The following CHAF1B variants were observed in gnomAD, a reference collection of about 807,000 sequenced individuals.
CHAF1B encodes CAF-1 subunit B.
A neutral mutation model predicts 60.7 loss-of-function variants in CHAF1B; 10 were observed. That is an observed-to-expected ratio of 0.16 (90% CI 0.10 to 0.28). The LOEUF is 0.28. Ranked by LOEUF, CHAF1B falls within the 10% of genes least tolerant of loss-of-function variation. The pLI, the probability that CHAF1B is intolerant of heterozygous loss-of-function variation, is 1.00. For synonymous variants in CHAF1B, 261 were observed against 266.1 expected, an observed-to-expected ratio of 0.98 and a Z score of 0.19; for missense variants, 558 against 708.4, an observed-to-expected ratio of 0.79 and a Z score of 2.41.
At chr21:36,388,255 T>C (rs2086051881) in intron 3 of CHAF1B, among the ~76,000 whole-genome samples, 1 of 152,150 alleles carries the variant, frequency 6.6e-6, no homozygotes, top group African/African-American at 2.4e-5. Flanking sequence ...GAACACCTGT[T>C]TGAAAACAGC....
rs2146381494 is a variant in CHAF1B, at chr21:36,418,379, T to A, written c.*2013T>A. 6.6e-6 allele frequency: 1 copy of A among 152,350 alleles called. No homozygotes were observed. The highest frequency in any genetic ancestry group is 2.1e-4 in the South Asian group (1 of 4,828). The allele number at this position is 152,350 out of a possible 1,614,324, so 9.4% of individuals were successfully genotyped here. A position where few individuals can be genotyped will look rare whatever the true frequency, so the allele number is the denominator to read the frequency against. On this transcript the variant is annotated 3_prime_UTR_variant, in exon 14 of 14. Transcript: ENST00000314103. Reference sequence around the variant, plus strand: ...ATCCTCCTTTGCTGGGGCCGCGGACTGAAGGACAGTATGCAGGAGGTGCCA... The same window carrying A: ...ATCCTCCTTTGCTGGGGCCGCGGACAGAAGGACAGTATGCAGGAGGTGCCA...
At chr21:36,393,393 C>T (rs934398574) in intron 4 of CHAF1B, among the ~76,000 whole-genome samples, 2 of 148,802 alleles carry the variant, frequency 1.3e-5, no homozygotes, top group Admixed American at 6.7e-5. Flanking sequence ...TTCTTAGTTT[C>T]GGCTATACAT....
chr21:36,403,772 G>A (rs1385149630), intron 8 of CHAF1B, among the ~76,000 whole-genome samples: 4 of 152,224 alleles, frequency 2.6e-5, no homozygotes, highest in Non-Finnish European at 4.4e-5. Context: ...TGGCCACAGT[G>A]TTCTCAGAGG....
At position 36,413,104 on chromosome 21, in the gene CHAF1B, A is replaced by G. The variant is rs777396815; in HGVS notation, c.1282A>G (p.Ser428Gly). Residue 428 changes from serine to glycine, a missense_variant, in exon 12 of 14, where the codon AGC becomes GGC. Coordinates refer to ENST00000314103, the MANE Select transcript of CHAF1B (RefSeq NM_005441.3). The stretch of plus-strand genomic sequence containing the variant: ...CCCTGCCAGCAGAACCCAAGACCCC[A>G]GCAGCCCCGGCACGACTCCCCCTCA... ...GTPASRTQDP[S>G]SPGTTPPQAR... is the part of the protein sequence containing the mutation. 2.5e-6 allele frequency: 4 copies of G among 1,614,062 alleles called. No homozygotes were observed. The South Asian group carries it at 4.4e-5, about 18-fold the overall frequency.
chr21:36,414,902 C>G (rs2086305819), intron 12 of CHAF1B, among the ~76,000 whole-genome samples: 1 of 152,198 alleles, frequency 6.6e-6, no homozygotes, highest in African/African-American at 2.4e-5. Context: ...TGCGAACCAT[C>G]TTGCCCGGCC....
chr21:36,403,447 A>G (rs2086208716), intron 8 of CHAF1B, among the ~76,000 whole-genome samples: 1 of 125,268 alleles, frequency 8.0e-6, no homozygotes, highest in African/African-American at 3.2e-5. Flanking sequence ...ACAGAGTGAT[A>G]TCTTATCTAA....
chr21:36,407,597 T>C (rs1306336012), intron 8 of CHAF1B, among the ~76,000 whole-genome samples: 1 of 152,198 alleles, frequency 6.6e-6, no homozygotes, highest in African/African-American at 2.4e-5. Flanking sequence ...TTGTAATGAT[T>C]ATGTGAGCAT....
chr21:36,411,191 G>A (rs557572707), intron 10 of CHAF1B, among the ~76,000 whole-genome samples: 69 of 150,320 alleles, frequency 4.6e-4, no homozygotes, highest in Admixed American at 8.0e-4. Flanking sequence ...TGAGCTCACT[G>A]CAACCTCCGC....
rs1432354012 is a variant in CHAF1B, at chr21:36,417,622, A to G, written c.*1256A>G. 6.6e-6 allele frequency: 1 copy of G among 151,882 alleles called. No homozygotes were observed. Among genetic ancestry groups the G allele is most frequent in the Middle Eastern group, 3.4e-3 (1 of 294 alleles). 9.4% of individuals were successfully genotyped at this position (151,882 alleles called of 1,614,324 possible). A position where few individuals can be genotyped will look rare whatever the true frequency, so the allele number is the denominator to read the frequency against. ...TGGGATTACAGGTGTGAGCTACTGCACCTGGCCTAATTATTATATTTTTAG... is the reference window on the plus strand; with the variant it reads ...TGGGATTACAGGTGTGAGCTACTGCGCCTGGCCTAATTATTATATTTTTAG... On this transcript the variant is annotated 3_prime_UTR_variant, in exon 14 of 14. Transcript: ENST00000314103.
rs1419770367 is a variant in CHAF1B, at chr21:36,418,055, C to T, written c.*1689C>T. On this transcript the variant is annotated 3_prime_UTR_variant, in exon 14 of 14. Transcript: ENST00000314103. The stretch of plus-strand genomic sequence containing the variant: ...TCCGAGACAGAGTCTCGCTCTGTCA[C>T]CCAGGCTGGAGTGCAGTGGCGCAAT... 1.3e-5 allele frequency: 2 copies of T among 151,718 alleles called. No homozygotes were observed. Among genetic ancestry groups the T allele is most frequent in the African/African-American group, 4.8e-5 (2 of 41,278 alleles). The allele number at this position is 151,718 out of a possible 1,614,324, so 9.4% of individuals were successfully genotyped here.
intron 7 of CHAF1B, 93 bp from the exon 8 acceptor site, chr21:36,402,665 T>C: frequency 2.0e-6 from 2 of 989,170 alleles, no homozygotes; most frequent in Non-Finnish European, 3.1e-6. Flanking sequence ...GGGAAGCGTT[T>C]ATTTGTGAGT....
At chr21:36,404,254 C>A (rs955383967) in intron 8 of CHAF1B, among the ~76,000 whole-genome samples, 7 of 151,432 alleles carry the variant, frequency 4.6e-5, no homozygotes, top group African/African-American at 1.7e-4. Context: ...GTGTGCGCCA[C>A]CACTCCCAGC....
intron 8 of CHAF1B, among the ~76,000 whole-genome samples, chr21:36,403,475 AAAAAAG>A (rs1266904156): frequency 2.6e-5 from 4 of 151,340 alleles, no homozygotes; most frequent in African/African-American, 9.7e-5. Flanking sequence ...AAAAAAAAAA[AAAAAAG>A]AAACTTTACT....
chr21:36,411,885 C>T (rs147808620), intron 11 of CHAF1B, among the ~76,000 whole-genome samples: 53 of 152,192 alleles, frequency 3.5e-4, no homozygotes, highest in South Asian at 1.7e-3. Context: ...CGCACCACTA[C>T]GCCTGGCTAA....
In CHAF1B at chr21:36,396,684, C is replaced by T. The variant is rs185771904; in HGVS notation, c.482-731C>T. Among the ~76,000 whole-genome samples, 13 of 151,932 alleles carry T rather than the reference C, an allele frequency of 8.6e-5. No homozygotes were observed. In the East Asian group the frequency reaches 2.1e-3, roughly 25 times the overall value. On this transcript the variant is annotated intron_variant, in intron 5 of 13. Coordinates refer to ENST00000314103, the MANE Select transcript of CHAF1B (RefSeq NM_005441.3). ...AAAAAGAAAAAAAAAAAGGAATGGC[C>T]AAGGCTTCATAACTCTCTTGTCTTT...
At chr21:36,387,215 C>T (rs957205422) in intron 2 of CHAF1B, among the ~76,000 whole-genome samples, 7 of 144,796 alleles carry the variant, frequency 4.8e-5, no homozygotes, top group African/African-American at 1.8e-4. Flanking sequence ...TGAAAATAAG[C>T]ATAGTTTTGT....
intron 8 of CHAF1B, among the ~76,000 whole-genome samples, chr21:36,405,144 T>C (rs1032282294): frequency 4.6e-5 from 7 of 152,182 alleles, no homozygotes; most frequent in Non-Finnish European, 8.8e-5. Context: ...GTTATTGTTC[T>C]TTGTGGTGTT....
At chr21:36,408,864 A>AT (rs770469336) in intron 9 of CHAF1B, 34 bp downstream of exon 9, 28 of 1,496,104 alleles carry the variant, frequency 1.9e-5, no homozygotes, top group Admixed American at 3.4e-5. Flanking sequence ...AAATGTTTAC[A>AT]TTTTTTTTAG....
intron 11 of CHAF1B, among the ~76,000 whole-genome samples, chr21:36,412,286 G>A (rs987359943): frequency 6.6e-6 from 1 of 152,180 alleles, no homozygotes; most frequent in African/African-American, 2.4e-5. Flanking sequence ...CTGGGCCTGT[G>A]TAGAGGATGT....
Sources: allele counts gnomAD v4.1 joint callset (sites outside exome capture counted in the v4.1 genomes callset), GRCh38; gene constraint gnomAD v4.1.1; transcripts MANE v1.5; gene names NCBI Gene and HGNC (gene_info 2026-07-23, HGNC 2026-07-21).